The following PTPRD variants were observed in gnomAD, a reference collection of about 807,000 sequenced individuals.
The protein encoded by PTPRD is protein tyrosine phosphatase receptor type D.
In PTPRD, 34 loss-of-function variants were observed where a neutral mutation model predicts 214.5. The observed-to-expected ratio is 0.16, with a 90% CI of 0.12 to 0.21. The LOEUF is 0.21. PTPRD is among the 10% of genes least tolerant of loss of function. PTPRD has a pLI of 1.00. For synonymous variants in PTPRD, 1,128 were observed against 845.7 expected, an observed-to-expected ratio of 1.33 and a Z score of -5.79; for missense variants, 2,545 against 2,398.7, an observed-to-expected ratio of 1.06 and a Z score of -1.27.
intron 39 of PTPRD, among the ~76,000 whole-genome samples, chr9:8,372,509 C>T (rs1388391876): frequency 1.3e-5 from 2 of 152,040 alleles, no homozygotes; most frequent in Non-Finnish European, 2.9e-5. Flanking sequence ...CAAAGGCATA[C>T]AGCCAGTAAG....
intron 9 of PTPRD, among the ~76,000 whole-genome samples, chr9:9,345,466 T>C (rs1318192790): frequency 6.6e-6 from 1 of 152,062 alleles, no homozygotes; most frequent in Non-Finnish European, 1.5e-5. Flanking sequence ...CCCTGGGCTA[T>C]GATTTTGACT....
intron 3 of PTPRD, among the ~76,000 whole-genome samples, chr9:10,277,592 T>C (rs1371154199): frequency 7.4e-6 from 1 of 135,610 alleles, no homozygotes; most frequent in African/African-American, 2.5e-5. Flanking sequence ...CAATAAATAC[T>C]GGCTAATGTC....
intron 5 of PTPRD, among the ~76,000 whole-genome samples, chr9:9,815,596 G>A (rs1284889066): frequency 6.6e-6 from 1 of 152,100 alleles, no homozygotes; most frequent in East Asian, 1.9e-4. Flanking sequence ...CTGGGAAAAT[G>A]CAATCCTTAT....
chr9:10,559,229 C>T (rs1019475453), intron 2 of PTPRD, among the ~76,000 whole-genome samples: 9 of 152,034 alleles, frequency 5.9e-5, no homozygotes, highest in African/African-American at 2.2e-4. Context: ...TATATGCATA[C>T]AAATTATAGT....
intron 3 of PTPRD, among the ~76,000 whole-genome samples, chr9:10,158,364 C>G (rs1055147570): frequency 6.6e-6 from 1 of 152,096 alleles, no homozygotes; most frequent in African/African-American, 2.4e-5. Flanking sequence ...ATAGTTTTAC[C>G]ATGTTTAATT....
chr9:8,507,217 C>G (rs2097560699), intron 22 of PTPRD, 84 bp downstream of exon 22: 2 of 1,482,112 alleles, frequency 1.3e-6, no homozygotes, highest in Admixed American at 2.1e-5. Flanking sequence ...GCTCTCTGAC[C>G]AAGAATGTGG....
intron 3 of PTPRD, among the ~76,000 whole-genome samples, chr9:10,118,065 T>G (rs1166725864): frequency 6.6e-6 from 1 of 152,028 alleles, no homozygotes; most frequent in Non-Finnish European, 1.5e-5. Flanking sequence ...AATAGTTCAC[T>G]TGTAATTAGC....
At chr9:8,553,094 T>C (rs1212777629) in intron 14 of PTPRD, among the ~76,000 whole-genome samples, 2 of 152,168 alleles carry the variant, frequency 1.3e-5, no homozygotes, top group Non-Finnish European at 2.9e-5. Flanking sequence ...ATCGTTAGAA[T>C]GGCTGCTGGG....
intron 9 of PTPRD, among the ~76,000 whole-genome samples, chr9:9,361,804 T>C (rs2056267889): frequency 6.6e-6 from 1 of 151,110 alleles, no homozygotes; most frequent in Admixed American, 6.6e-5. Flanking sequence ...TGGTAGCTTT[T>C]TGATAGTAAC....
intron 14 of PTPRD, among the ~76,000 whole-genome samples, chr9:8,547,412 G>T (rs912036412): frequency 4.6e-5 from 7 of 152,142 alleles, no homozygotes; most frequent in Non-Finnish European, 7.4e-5. Context: ...GGAGGCCAAG[G>T]TGGGCAGATT....
chr9:8,835,793 C>T (rs1410642245), intron 11 of PTPRD, among the ~76,000 whole-genome samples: 2 of 152,204 alleles, frequency 1.3e-5, no homozygotes, highest in Non-Finnish European at 2.9e-5. Context: ...CCTCCTCAGA[C>T]TCCCAAAGTG....
At chr9:9,629,550 T>C (rs2154358459) in intron 7 of PTPRD, among the ~76,000 whole-genome samples, 1 of 152,238 alleles carries the variant, frequency 6.6e-6, no homozygotes. Context: ...ATGCACAAAA[T>C]ACTTCACTTT....
At chr9:9,909,302 GT>G (rs1460092003) in intron 5 of PTPRD, among the ~76,000 whole-genome samples, 1 of 146,160 alleles carries the variant, frequency 6.8e-6, no homozygotes, top group Admixed American at 6.9e-5. Flanking sequence ...TTTAGGTTGA[GT>G]TTTTAATCTG....
intron 3 of PTPRD, among the ~76,000 whole-genome samples, chr9:10,142,419 A>C (rs1400431126): frequency 6.6e-6 from 1 of 152,028 alleles, no homozygotes; most frequent in African/African-American, 2.4e-5. Context: ...AACTCAAACA[A>C]ATTTACGAGA....
intron 8 of PTPRD, among the ~76,000 whole-genome samples, chr9:9,418,648 A>G (rs1247446479): frequency 1.3e-5 from 2 of 151,986 alleles, no homozygotes; most frequent in East Asian, 3.9e-4. Flanking sequence ...CATACATACT[A>G]TTGGCTACAA....
intron 4 of PTPRD, among the ~76,000 whole-genome samples, chr9:9,970,444 G>GAA (rs2095027296): frequency 1.1e-5 from 1 of 91,488 alleles, no homozygotes; most frequent in African/African-American, 5.2e-5. Flanking sequence ...AAAAAAAAAA[G>GAA]AAAAAGAAAA....
At chr9:8,838,620 T>G (rs1387592224) in intron 11 of PTPRD, among the ~76,000 whole-genome samples, 1 of 152,170 alleles carries the variant, frequency 6.6e-6, no homozygotes, top group African/African-American at 2.4e-5. Flanking sequence ...TGACAGATTT[T>G]TTTTTTACAT....
intron 11 of PTPRD, among the ~76,000 whole-genome samples, chr9:8,889,026 T>A (rs79626220): frequency 0.054 from 8,177 of 152,272 alleles, 742 homozygotes; most frequent in African/African-American, 0.18. Flanking sequence ...AGATATTAAA[T>A]AATAAGGATA....
intron 5 of PTPRD, among the ~76,000 whole-genome samples, chr9:9,858,389 C>G (rs2061983138): frequency 6.6e-6 from 1 of 152,170 alleles, no homozygotes; most frequent in Non-Finnish European, 1.5e-5. Context: ...CTGCTTCAAC[C>G]TTCTCTGCTC....
Sources: gnomAD v4.1 joint callset for allele counts (sites outside exome capture counted in the v4.1 genomes callset) on GRCh38, gnomAD v4.1.1 for gene constraint, MANE v1.5 for transcripts, NCBI Gene and HGNC (gene_info 2026-07-23, HGNC 2026-07-21) for gene names.